Variants in OTC observed in about 807,000 individuals in gnomAD.
OTC encodes the protein ornithine transcarbamylase, mitochondrial.
OTC carries 3 observed loss-of-function variants against 30.3 expected under a neutral mutation model. That is an observed-to-expected ratio of 0.10 (90% CI 0.05 to 0.26). The LOEUF is 0.26. OTC is among the 10% of genes least tolerant of loss of function. OTC has a pLI of 1.00. For missense variants in OTC, 194 were observed against 260.3 expected, an observed-to-expected ratio of 0.75 and a Z score of 1.75; for synonymous variants, 111 against 99.7, an observed-to-expected ratio of 1.11 and a Z score of -0.67.
chrX:38,422,921 T>C (rs1038476213), downstream of OTC, among the ~76,000 whole-genome samples: 2 of 112,070 alleles, frequency 1.8e-5, no homozygotes, highest in Non-Finnish European at 3.8e-5. Context: ...ATAAATCCTG[T>C]CACCTAATAT....
At chrX:38,411,783 G>C (rs1323371685) in intron 8 of OTC, 79 bp from the exon 9 acceptor site, 195 of 948,746 alleles carry the variant, frequency 2.1e-4, no homozygotes, top group Non-Finnish European at 2.5e-4. Context: ...CTGGCCATGT[G>C]TGTTTTTAGA....
chrX:38,364,710 T>C (rs1322038321), intron 1 of OTC, among the ~76,000 whole-genome samples: 1 of 109,457 alleles, frequency 9.1e-6, no homozygotes, highest in Non-Finnish European at 1.9e-5. Context: ...AAGAATTGCT[T>C]CAACCCAGGA....
At chrX:38,416,772 A>C (rs2068572683) in intron 9 of OTC, among the ~76,000 whole-genome samples, 1 of 112,427 alleles carries the variant, frequency 8.9e-6, no homozygotes, top group African/African-American at 3.2e-5. Context: ...GTGTTTATTT[A>C]ACTGAATCTG....
Position 38,421,189 on chromosome X carries a change from T to C in OTC, c.*107T>C. 1.8e-6 allele frequency: 1 copy of C among 565,559 alleles called. No homozygotes were observed. Among genetic ancestry groups the C allele is most frequent in the Non-Finnish European group, 3.1e-6 (1 of 324,519 alleles). The allele number at this position is 565,559 out of a possible 1,213,427, so 46.6% of individuals were successfully genotyped here. A position where few individuals can be genotyped will look rare whatever the true frequency, so the allele number is the denominator to read the frequency against. On this transcript the variant is annotated 3_prime_UTR_variant, in exon 10 of 10. Coordinates refer to ENST00000039007, the MANE Select transcript of OTC (RefSeq NM_000531.6). ...AAAAAATAAACAAATCCCTAACACGTGGTATGGGTGAACCGTATGATATGC... is the reference window on the plus strand; with the variant it reads ...AAAAAATAAACAAATCCCTAACACGCGGTATGGGTGAACCGTATGATATGC...
chrX:38,399,603 G>T (rs1473873638), intron 4 of OTC, among the ~76,000 whole-genome samples: 1 of 110,562 alleles, frequency 9.0e-6, no homozygotes, highest in Non-Finnish European at 1.9e-5. Context: ...ACAAAAATTA[G>T]CTGGGTGTGG....
intron 9 of OTC, among the ~76,000 whole-genome samples, chrX:38,420,497 A>G (rs1327121453): frequency 9.0e-6 from 1 of 110,720 alleles, no homozygotes; most frequent in Non-Finnish European, 1.9e-5. Flanking sequence ...ACCATTTGTG[A>G]TTGACAGATC....
the OTC span, among the ~76,000 whole-genome samples, chrX:38,332,411 T>A: frequency 1.0e-5 from 1 of 97,214 alleles, no homozygotes; most frequent in South Asian, 5.5e-4. Flanking sequence ...AGTGGAAAAC[T>A]TGTCTTCCAC....
At chrX:38,396,376 A>G (rs1050769446) in intron 4 of OTC, among the ~76,000 whole-genome samples, 2 of 112,315 alleles carry the variant, frequency 1.8e-5, no homozygotes, top group African/African-American at 6.5e-5. Flanking sequence ...CCTGGTTTCA[A>G]TATTTAAAAA....
At chrX:38,422,617 T>C (rs2147350509), downstream of OTC, among the ~76,000 whole-genome samples, 1 of 112,413 alleles carries the variant, frequency 8.9e-6, no homozygotes, top group African/African-American at 3.2e-5. Context: ...CTTGCCAAAA[T>C]ATAGTCATTT....
At chrX:38,373,481 C>T (rs891414162) in intron 3 of OTC, 7 of 112,603 alleles carry the variant, frequency 6.2e-5, no homozygotes, top group Non-Finnish European at 1.3e-4. Flanking sequence ...ATGAATTGAG[C>T]TGATAGACAG....
At chrX:38,418,120 C>T (rs141442112) in intron 9 of OTC, among the ~76,000 whole-genome samples, 2,219 of 111,295 alleles carry the variant, frequency 0.02, 26 homozygotes, top group Non-Finnish European at 0.032. Context: ...CACAGGAGAT[C>T]CCCCCCTCTC....
intron 3 of OTC, among the ~76,000 whole-genome samples, chrX:38,377,949 G>C (rs888031624): frequency 9.1e-6 from 1 of 109,670 alleles, no homozygotes; most frequent in Admixed American, 9.8e-5. Flanking sequence ...TGATCCTCCT[G>C]CCTCAGCCTC....
chrX:38,422,861 G>A (rs955552883), downstream of OTC, among the ~76,000 whole-genome samples: 8 of 111,269 alleles, frequency 7.2e-5, no homozygotes, highest in African/African-American at 2.0e-4. Context: ...TTACAACTCC[G>A]AAGTTTAACG....
chrX:38,417,022 C>T (rs1261390037), intron 9 of OTC, among the ~76,000 whole-genome samples: 1 of 111,968 alleles, frequency 8.9e-6, no homozygotes, highest in Non-Finnish European at 1.9e-5. Flanking sequence ...TCCCACACCA[C>T]CCACTCTTAA....
intron 4 of OTC, among the ~76,000 whole-genome samples, chrX:38,384,305 G>C (rs2037974): frequency 0.022 from 2,482 of 111,677 alleles, 78 homozygotes; most frequent in African/African-American, 0.078. Context: ...AGAAGAGGCT[G>C]GCATGGGAGA....
rs1413050414 is a variant in OTC, at chrX:38,384,638, A to C, written c.386+3209A>C. On this transcript the variant is annotated intron_variant, in intron 4 of 9. Transcript: ENST00000039007. Reference sequence around the variant, plus strand: ...AGGGATTGGAGGATGATTAAATGACATTGCTGGCCCTTTCAAATCAAAAGA... The same window carrying C: ...AGGGATTGGAGGATGATTAAATGACCTTGCTGGCCCTTTCAAATCAAAAGA... Among the ~76,000 whole-genome samples, 34 of 111,829 alleles carry C rather than the reference A, an allele frequency of 3.0e-4. No individual in the cohort carries two copies. The Admixed American group carries it at 3.2e-3, about 11-fold the overall frequency.
the OTC span, among the ~76,000 whole-genome samples, chrX:38,329,158 C>T: frequency 9.0e-6 from 1 of 111,344 alleles, no homozygotes; most frequent in Non-Finnish European, 1.9e-5. Flanking sequence ...TTGATGCAGC[C>T]CTACTCCAAG....
At position 38,395,063 on chromosome X, in the gene OTC, C is replaced by G. The variant is rs187364973; in HGVS notation, c.387-6212C>G. Among the ~76,000 whole-genome samples the G allele has an allele frequency of 1.6e-4, 18 of 111,099 alleles. No individual in the cohort carries two copies. The East Asian group carries it at 4.8e-3, about 30-fold the overall frequency. Reference sequence around the variant, plus strand: ...TCTTGGCTCACTGCAATCTCCACCTCCCTGGTTCAAGTGATTCTCCTGCCT... The same window carrying G: ...TCTTGGCTCACTGCAATCTCCACCTGCCTGGTTCAAGTGATTCTCCTGCCT... On this transcript the variant is annotated intron_variant, in intron 4 of 9. Coordinates refer to ENST00000039007, the MANE Select transcript of OTC (RefSeq NM_000531.6).
chrX:38,352,628 G>C lies in OTC; in HGVS notation c.-69G>C. ...GAACACATTTCTTAGTTTTTAGGTG[G>C]CCCCCGCTGGCTAACTTGCTGTGGA... On this transcript the variant is annotated 5_prime_UTR_variant, in exon 1 of 10. Transcript: ENST00000039007. The C allele has an allele frequency of 1.2e-6, 1 of 802,157 alleles. No individual in the cohort carries two copies. Among genetic ancestry groups the C allele is most frequent in the Non-Finnish European group, 1.9e-6 (1 of 524,746 alleles). 66.1% of individuals were successfully genotyped at this position (802,157 alleles called of 1,213,427 possible). A position where few individuals can be genotyped will look rare whatever the true frequency, so the allele number is the denominator to read the frequency against.
Sources: gnomAD v4.1 joint callset for allele counts (sites outside exome capture counted in the v4.1 genomes callset) on GRCh38, gnomAD v4.1.1 for gene constraint, MANE v1.5 for transcripts, NCBI Gene and HGNC (gene_info 2026-07-23, HGNC 2026-07-21) for gene names.